EYS: variants seen among roughly 807,000 people sequenced by gnomAD.
The protein encoded by EYS is EGF-like photoreceptor maintenance factor.
Under a neutral mutation model 282.1 loss-of-function variants are expected in EYS, and 250 were observed. The observed-to-expected ratio is 0.89, with a 90% confidence interval of 0.80 to 0.98. The LOEUF (loss-of-function observed/expected upper bound fraction) is 0.98, where lower values mean the gene tolerates loss of function less well. EYS is among the 50% of genes least tolerant of loss of function. The pLI is 0.00. For missense variants in EYS, 4,016 were observed against 3,709.0 expected (o/e 1.08, Z -2.15); for synonymous variants, 1,355 against 1,282.9 (o/e 1.06, Z -1.20).
At chr6:65,667,671 C>T (rs1260610522) in intron 1 of EYS, among the ~76,000 whole-genome samples, 1 of 151,842 alleles carries the variant, frequency 6.6e-6, no homozygotes, top group Non-Finnish European at 1.5e-5. Flanking sequence ...ATTATCTGTT[C>T]ATTCATCTAC....
At chr6:63,963,100 G>A (rs1766149303) in intron 35 of EYS, among the ~76,000 whole-genome samples, 1 of 147,708 alleles carries the variant, frequency 6.8e-6, no homozygotes, top group Non-Finnish European at 1.5e-5. Flanking sequence ...CACACACAGG[G>A]GCCTGTTGTG....
intron 2 of EYS, among the ~76,000 whole-genome samples, chr6:65,574,972 A>G (rs904024918): frequency 1.3e-5 from 2 of 152,172 alleles, no homozygotes; most frequent in African/African-American, 4.8e-5. Flanking sequence ...AAATTTCAAA[A>G]AAGAATAGAA....
At chr6:64,857,790 T>C (rs530374495) in intron 19 of EYS, among the ~76,000 whole-genome samples, 1 of 152,152 alleles carries the variant, frequency 6.6e-6, no homozygotes. Context: ...TTTTTTGTTT[T>C]AAATAAAAGC....
At chr6:64,381,242 T>A (rs1306094623) in intron 29 of EYS, among the ~76,000 whole-genome samples, 1 of 152,124 alleles carries the variant, frequency 6.6e-6, no homozygotes, top group Non-Finnish European at 1.5e-5. Flanking sequence ...TTATGAGCAA[T>A]GGTGATACCT....
intron 36 of EYS, among the ~76,000 whole-genome samples, chr6:63,853,319 A>G (rs771994084): frequency 6.6e-6 from 1 of 152,196 alleles, no homozygotes; most frequent in Admixed American, 6.5e-5. Context: ...AAAAATCACA[A>G]GAATTCCTAT....
chr6:63,815,018 C>T (rs867982823), intron 36 of EYS, among the ~76,000 whole-genome samples: 7 of 152,024 alleles, frequency 4.6e-5, no homozygotes, highest in African/African-American at 1.4e-4. Context: ...TCTTCATGCC[C>T]GTGAATATTT....
intron 26 of EYS, among the ~76,000 whole-genome samples, chr6:64,452,359 G>A (rs1426127858): frequency 3.9e-5 from 6 of 152,044 alleles, no homozygotes; most frequent in Non-Finnish European, 8.8e-5. Flanking sequence ...AAATAAAAGA[G>A]GACAGAAACA....
intron 22 of EYS, among the ~76,000 whole-genome samples, chr6:64,716,408 T>TA (rs1771394683): frequency 6.6e-6 from 1 of 152,206 alleles, no homozygotes; most frequent in African/African-American, 2.4e-5. Flanking sequence ...ATATGTTGCA[T>TA]AAAAACAAGC....
At chr6:64,963,061 A>G (rs1769978049) in intron 14 of EYS, among the ~76,000 whole-genome samples, 1 of 152,170 alleles carries the variant, frequency 6.6e-6, no homozygotes, top group Non-Finnish European at 1.5e-5. Context: ...GTGTGCGTGC[A>G]TGTATTATTC....
intron 22 of EYS, among the ~76,000 whole-genome samples, chr6:64,679,184 C>T (rs1007858490): frequency 2.7e-5 from 2 of 74,418 alleles, no homozygotes; most frequent in African/African-American, 4.3e-5. Context: ...TCTGGTTTAT[C>T]GTTCTGATGG....
At chr6:65,179,517 T>C (rs1351172299) in intron 12 of EYS, among the ~76,000 whole-genome samples, 4 of 152,106 alleles carry the variant, frequency 2.6e-5, no homozygotes, top group African/African-American at 4.8e-5. Context: ...CAGGAAGAAG[T>C]TGAATCTCTG....
intron 14 of EYS, among the ~76,000 whole-genome samples, chr6:64,976,453 C>T (rs1770477415): frequency 6.6e-6 from 1 of 151,436 alleles, no homozygotes; most frequent in South Asian, 2.1e-4. Context: ...AGTTCAAAAT[C>T]AAGTTTGCTG....
chr6:64,943,707 A>G (rs1769177630), intron 15 of EYS, among the ~76,000 whole-genome samples: 1 of 152,144 alleles, frequency 6.6e-6, no homozygotes, highest in African/African-American at 2.4e-5. Context: ...GCAATCAGTA[A>G]TGACACAAAC....
chr6:65,482,469 T>A (rs1765643621), intron 5 of EYS, among the ~76,000 whole-genome samples: 1 of 152,170 alleles, frequency 6.6e-6, no homozygotes, highest in African/African-American at 2.4e-5. Context: ...CCAAACTCTA[T>A]CAGAATTGAG....
At chr6:64,868,801 G>T (rs959462698) in intron 19 of EYS, among the ~76,000 whole-genome samples, 2 of 151,338 alleles carry the variant, frequency 1.3e-5, no homozygotes, top group African/African-American at 4.8e-5. Flanking sequence ...CAGGCCATCA[G>T]GTTAAAAAGA....
At chr6:64,751,195 G>A (rs1772739512) in intron 22 of EYS, among the ~76,000 whole-genome samples, 2 of 152,126 alleles carry the variant, frequency 1.3e-5, no homozygotes, top group South Asian at 4.1e-4. Context: ...CCTGGGCAGA[G>A]TTTTTCCAGG....
chr6:64,745,777 T>C (rs1395426198), intron 22 of EYS, among the ~76,000 whole-genome samples: 1 of 152,188 alleles, frequency 6.6e-6, no homozygotes, highest in South Asian at 2.1e-4. Context: ...GCAAGCATTA[T>C]AGCTTTTGTT....
intron 10 of EYS, among the ~76,000 whole-genome samples, chr6:65,341,367 C>T (rs1289389519): frequency 6.6e-6 from 1 of 151,134 alleles, no homozygotes; most frequent in African/African-American, 2.4e-5. Flanking sequence ...CCACACATTC[C>T]TCCCCTCATA....
At chr6:64,327,934 G>C (rs983205167) in intron 29 of EYS, among the ~76,000 whole-genome samples, 9 of 152,248 alleles carry the variant, frequency 5.9e-5, no homozygotes, top group African/African-American at 2.2e-4. Context: ...AAAGTGAAGG[G>C]AGGAACTCCA....
Sources: allele counts gnomAD v4.1 joint callset (sites outside exome capture counted in the v4.1 genomes callset), GRCh38; gene constraint gnomAD v4.1.1; transcripts MANE v1.5; gene names NCBI Gene and HGNC (gene_info 2026-07-23, HGNC 2026-07-21).